The following DST variants were observed in gnomAD, a reference collection of about 807,000 sequenced individuals.
DST encodes bullous pemphigoid antigen.
DST carries 253 observed loss-of-function variants against 875.2 expected under a neutral mutation model. The observed-to-expected ratio is 0.29, with a 90% CI of 0.26 to 0.32. The LOEUF (loss-of-function observed/expected upper bound fraction) is 0.32, where lower values mean the gene tolerates loss of function less well. Ranked by LOEUF, DST falls within the 10% of genes least tolerant of loss-of-function variation. DST has a pLI of 1.00. For synonymous variants in DST, 3,124 were observed against 3,197.1 expected (o/e 0.98, Z 0.77); for missense variants, 8,287 against 9,111.6 (o/e 0.91, Z 3.68).
In DST at chr6:56,487,194, G is replaced by C. The variant is rs2095597794; in HGVS notation, c.20957C>G (p.Thr6986Ser). The C allele has an allele frequency of 6.2e-7, 1 of 1,613,748 alleles. No individual in the cohort carries two copies. The highest frequency in any genetic ancestry group is 1.3e-5 in the African/African-American group (1 of 74,908). ...TTTCAGGTTGTCATCAGCCAGGGAG[G>C]TTTTCTCCTTCAGAGAACGTCCAGT... is the stretch of plus-strand genomic sequence containing the variant. ...NRTGRSLKEK[T>S]SLADDNLKLD... The change falls in exon 87 of 104, where the codon ACC becomes AGC. Residue 6986 changes from threonine (T) to serine (S), a missense_variant. By Grantham distance (58) the Thr-to-Ser change is moderately conservative (BLOSUM62 1). Transcript: ENST00000680361.
At chr6:56,907,592 T>G (rs1796968812) in intron 2 of DST, among the ~76,000 whole-genome samples, 5 of 152,218 alleles carry the variant, frequency 3.3e-5, no homozygotes, top group Admixed American at 3.3e-4. Context: ...ACCAGTGCCC[T>G]TCAACATTCT....
intron 4 of DST, among the ~76,000 whole-genome samples, chr6:56,775,233 A>G (rs2099676457): frequency 6.6e-6 from 1 of 152,184 alleles, no homozygotes; most frequent in Admixed American, 6.5e-5. Flanking sequence ...CATCCTCTTC[A>G]GCCAACAGGC....
Position 56,497,401 on chromosome 6 carries a change from T to A in DST, c.20201A>T (p.Lys6734Met), listed in dbSNP as rs2095955225. ...TACCATATGGACATTAAGCTGCTCC[T>A]TGGCTGTTTCCGGTAAACCTCCCAG... Reference protein sequence around the residue: ...KPLGGLPETAKEQLNVHMEVC... With the variant: ...KPLGGLPETAMEQLNVHMEVC... The change falls in exon 82 of 104, where the codon AAG becomes ATG. Residue 6734 changes from lysine (K) to methionine (M), a missense_variant. Coordinates refer to ENST00000680361, the MANE Select transcript of DST (RefSeq NM_001374736.1). 2 of 1,613,156 alleles carry A rather than the reference T, an allele frequency of 1.2e-6. No homozygotes were observed. The highest frequency in any genetic ancestry group is 8.5e-7 in the Non-Finnish European group (1 of 1,179,332).
Position 56,482,132 on chromosome 6 carries a change from G to T in DST, c.21449C>A (p.Ala7150Asp), listed in dbSNP as rs772969703. 1 of 1,612,880 alleles carries T rather than the reference G, an allele frequency of 6.2e-7. No individual in the cohort carries two copies. Among genetic ancestry groups the T allele is most frequent in the South Asian group, 1.1e-5 (1 of 91,016 alleles). ...SVVHALLEWL[A>D]EAEQTLRFHG... is the part of the protein sequence containing the mutation. Reference sequence around the variant, plus strand: ...GAAACGCAGGGTTTGCTCCGCCTCAGCCAGCCACTCCAAGAGGGCATGTAC... The same window carrying T: ...GAAACGCAGGGTTTGCTCCGCCTCATCCAGCCACTCCAAGAGGGCATGTAC... Residue 7150 changes from alanine to aspartate, a missense_variant, in exon 90 of 104, where the codon GCT becomes GAT. This residue lies in a region of DST where 1,292 missense variants were observed against 1,552.7 expected (regional missense o/e 0.83). Coordinates refer to ENST00000680361, the MANE Select transcript of DST (RefSeq NM_001374736.1).
At chr6:56,820,147 T>G (rs79485002) in intron 4 of DST, among the ~76,000 whole-genome samples, 3,935 of 152,274 alleles carry the variant, frequency 0.026, 83 homozygotes, top group Middle Eastern at 0.058. Flanking sequence ...AACCGTAACT[T>G]CAGGTAAGTT....
chr6:56,477,713 C>T (rs370821756), intron 90 of DST, among the ~76,000 whole-genome samples: 3 of 152,204 alleles, frequency 2.0e-5, no homozygotes, highest in African/African-American at 7.2e-5. Flanking sequence ...CCTTGGAATC[C>T]AAGGGGAGTT....
intron 2 of DST, among the ~76,000 whole-genome samples, chr6:56,938,565 CAGT>C (rs1290761627): frequency 6.6e-6 from 1 of 152,148 alleles, no homozygotes; most frequent in Non-Finnish European, 1.5e-5. Context: ...GGATAGCAGA[CAGT>C]AGCAAACCAA....
At chr6:56,839,252 G>C (rs942280813) in intron 4 of DST, among the ~76,000 whole-genome samples, 1 of 152,146 alleles carries the variant, frequency 6.6e-6, no homozygotes, top group African/African-American at 2.4e-5. Context: ...CTGGCAAATG[G>C]GGGTACCCTA....
chr6:56,802,536 T>C (rs917106408), intron 4 of DST, among the ~76,000 whole-genome samples: 2 of 152,130 alleles, frequency 1.3e-5, no homozygotes, highest in African/African-American at 4.8e-5. Context: ...GAGAATTATA[T>C]CAAATATTGA....
chr6:56,579,586 G>T (rs1585424075), intron 49 of DST, among the ~76,000 whole-genome samples: 1 of 152,110 alleles, frequency 6.6e-6, no homozygotes, highest in East Asian at 1.9e-4. Flanking sequence ...AGGGAAATGA[G>T]GGCCACCTCA....
At chr6:56,614,315 T>G in intron 37 of DST, 41 bp downstream of exon 37, 1 of 1,549,252 alleles carries the variant, frequency 6.5e-7, no homozygotes, top group East Asian at 2.3e-5. Context: ...TTAACGTCCC[T>G]GCTATTATTA....
intron 3 of DST, among the ~76,000 whole-genome samples, chr6:56,882,549 G>A (rs1212358435): frequency 1.3e-5 from 2 of 152,152 alleles, no homozygotes; most frequent in African/African-American, 4.8e-5. Flanking sequence ...TCCCTATTTA[G>A]CAACAGAAAA....
intron 61 of DST, among the ~76,000 whole-genome samples, chr6:56,545,544 T>C (rs1379727258): frequency 6.6e-6 from 1 of 152,050 alleles, no homozygotes; most frequent in African/African-American, 2.4e-5. Flanking sequence ...TTTCTCATTT[T>C]ATATTCCTAA....
chr6:56,658,187 C>A (rs777987239), intron 10 of DST, among the ~76,000 whole-genome samples: 23 of 152,320 alleles, frequency 1.5e-4, no homozygotes, highest in Admixed American at 5.2e-4. Context: ...CTCAGCCCAG[C>A]CTCCCGAGTA....
chr6:56,853,023 T>C (rs991893738), intron 3 of DST, among the ~76,000 whole-genome samples: 9 of 152,366 alleles, frequency 5.9e-5, no homozygotes, highest in Middle Eastern at 3.4e-3. Context: ...ACCATTATTT[T>C]ATTTTATTTA....
chr6:56,482,666 A>G lies in DST; in HGVS notation c.21402+17T>C, dbSNP rs750818219. 2.5e-6 allele frequency: 4 copies of G among 1,604,674 alleles called. No individual in the cohort carries two copies. The Admixed American group carries it at 6.8e-5, about 27-fold the overall frequency. On this transcript the variant is annotated intron_variant, in intron 89 of 103. Transcript: ENST00000680361. Reference sequence around the variant, plus strand: ...ACTTTTCCCATTACACCCAGCTCTCATTTACATGGTTTTTACCTGACGCAG... The same window carrying G: ...ACTTTTCCCATTACACCCAGCTCTCGTTTACATGGTTTTTACCTGACGCAG...
intron 2 of DST, among the ~76,000 whole-genome samples, chr6:56,952,109 A>C (rs1362083271): frequency 1.3e-5 from 2 of 152,224 alleles, no homozygotes; most frequent in Non-Finnish European, 2.9e-5. Flanking sequence ...CTAGTAGACA[A>C]GGCAAATACC....
At chr6:56,919,881 G>A (rs1452937488) in intron 2 of DST, among the ~76,000 whole-genome samples, 1 of 152,066 alleles carries the variant, frequency 6.6e-6, no homozygotes, top group Admixed American at 6.6e-5. Flanking sequence ...GGAGACAGAG[G>A]TTGCAGTGAG....
intron 5 of DST, among the ~76,000 whole-genome samples, chr6:56,731,996 A>G (rs940912125): frequency 9.9e-5 from 15 of 152,240 alleles, no homozygotes; most frequent in Non-Finnish European, 1.9e-4. Context: ...TTTTTAAACA[A>G]TAATATTTTT....
Sources: allele counts gnomAD v4.1 joint callset (sites outside exome capture counted in the v4.1 genomes callset), GRCh38; gene constraint gnomAD v4.1.1; regional missense constraint gnomAD v4.1.1; transcripts MANE v1.5; gene names NCBI Gene and HGNC (gene_info 2026-07-23, HGNC 2026-07-21).